SLC38A12: variants seen among roughly 807,000 people sequenced by gnomAD.
The protein encoded by SLC38A12 is putative sodium-coupled neutral amino acid transporter 12.
the SLC38A12 span, among the ~76,000 whole-genome samples, chr17:74,796,976 G>A: frequency 0.01 from 1,530 of 152,294 alleles, 26 homozygotes; most frequent in African/African-American, 0.034. Context: ...GGCAGAAGGA[G>A]GGGATGAAGG....
chr17:74,792,032 G>C, the SLC38A12 span, among the ~76,000 whole-genome samples: 1 of 152,090 alleles, frequency 6.6e-6, no homozygotes, highest in African/African-American at 2.4e-5. Flanking sequence ...TGTAGTCCCA[G>C]CTACTCGGGA....
the SLC38A12 span, among the ~76,000 whole-genome samples, chr17:74,807,460 C>T: frequency 6.6e-6 from 1 of 152,240 alleles, no homozygotes; most frequent in East Asian, 1.9e-4. Context: ...GGCACACAAC[C>T]CTCCCCTGGG....
the SLC38A12 span, among the ~76,000 whole-genome samples, chr17:74,780,622 A>G: frequency 3.9e-5 from 6 of 152,102 alleles, no homozygotes; most frequent in African/African-American, 1.4e-4. Context: ...GGCTCAGCCC[A>G]GATTTGCTTC....
the SLC38A12 span, among the ~76,000 whole-genome samples, chr17:74,798,573 G>A: frequency 1.3e-5 from 2 of 152,154 alleles, no homozygotes; most frequent in Admixed American, 6.5e-5. Context: ...ACAGAGCAGG[G>A]TGCTGGGGGG....
At chr17:74,830,631 A>G in the SLC38A12 span, among the ~76,000 whole-genome samples, 2 of 152,248 alleles carry the variant, frequency 1.3e-5, no homozygotes, top group Admixed American at 1.3e-4. Flanking sequence ...GCTTGTCCAG[A>G]TGCCCGTACA....
At chr17:74,789,754 A>T in the SLC38A12 span, among the ~76,000 whole-genome samples, 1 of 149,592 alleles carries the variant, frequency 6.7e-6, no homozygotes, top group Admixed American at 6.7e-5. Context: ...CTGAGGCAGG[A>T]GAATCACTTG....
At chr17:74,806,631 T>A in the SLC38A12 span, among the ~76,000 whole-genome samples, 1 of 152,122 alleles carries the variant, frequency 6.6e-6, no homozygotes. Flanking sequence ...GTCCCTATTT[T>A]CTTCCTGCCG....
At chr17:74,833,373 A>AAAGGTGCCTCT in the SLC38A12 span, among the ~76,000 whole-genome samples, 96 of 152,364 alleles carry the variant, frequency 6.3e-4, no homozygotes, top group Non-Finnish European at 4.6e-4. Context: ...TGTTGGTGTC[A>AAAGGTGCCTCT]AAGGTGCCTC....
the SLC38A12 span, chr17:74,795,120 C>T: frequency 7.4e-6 from 12 of 1,612,934 alleles, no homozygotes; most frequent in Middle Eastern, 3.3e-4. Flanking sequence ...TGGTGAGTAC[C>T]CTCCTGGCCC....
At chr17:74,821,146 T>G in the SLC38A12 span, among the ~76,000 whole-genome samples, 1 of 152,240 alleles carries the variant, frequency 6.6e-6, no homozygotes, top group African/African-American at 2.4e-5. Flanking sequence ...TGGAAAGTTT[T>G]TCCTTGCCTT....
At chr17:74,817,590 AT>A in the SLC38A12 span, among the ~76,000 whole-genome samples, 1 of 152,286 alleles carries the variant, frequency 6.6e-6, no homozygotes, top group African/African-American at 2.4e-5. Flanking sequence ...AAATAGAGGG[AT>A]GCTGTCAGTG....
chr17:74,782,290 ACTC>A, the SLC38A12 span, among the ~76,000 whole-genome samples: 1 of 151,660 alleles, frequency 6.6e-6, no homozygotes, highest in Admixed American at 6.6e-5. Flanking sequence ...CTAGTCTCGA[ACTC>A]CTCAGCTCAG....
the SLC38A12 span, chr17:74,788,939 A>G: frequency 7.0e-7 from 1 of 1,438,734 alleles, no homozygotes; most frequent in Non-Finnish European, 9.5e-7. Flanking sequence ...CGGTCTCAGC[A>G]GCCCATTCTT....
the SLC38A12 span, among the ~76,000 whole-genome samples, chr17:74,780,460 T>C: frequency 6.6e-6 from 1 of 152,174 alleles, no homozygotes; most frequent in Admixed American, 6.5e-5. Flanking sequence ...AATGCATGCA[T>C]TGGTCTTCAT....
the SLC38A12 span, among the ~76,000 whole-genome samples, chr17:74,815,307 G>C: frequency 6.6e-6 from 1 of 152,216 alleles, no homozygotes; most frequent in Non-Finnish European, 1.5e-5. Context: ...GGGCAGGGCG[G>C]ATCAAAGGAC....
the SLC38A12 span, among the ~76,000 whole-genome samples, chr17:74,831,451 T>C: frequency 1.1e-3 from 165 of 152,310 alleles, 1 homozygote; most frequent in Non-Finnish European, 1.8e-3. Context: ...CGTTGGCTTT[T>C]ACTCAGATAT....
the SLC38A12 span, among the ~76,000 whole-genome samples, chr17:74,795,975 C>T: frequency 3.9e-5 from 6 of 152,072 alleles, no homozygotes; most frequent in African/African-American, 1.2e-4. Flanking sequence ...TCATTTTTTC[C>T]GAAACTTTCC....
At chr17:74,820,302 G>A in the SLC38A12 span, among the ~76,000 whole-genome samples, 1 of 152,256 alleles carries the variant, frequency 6.6e-6, no homozygotes, top group South Asian at 2.1e-4. Context: ...GGCCATGGCA[G>A]CAGCCACTCT....
the SLC38A12 span, chr17:74,785,634 G>T: frequency 6.2e-7 from 1 of 1,607,214 alleles, no homozygotes; most frequent in Non-Finnish European, 8.5e-7. Context: ...CCCCACAGGG[G>T]CCAGGAGTGG....
Sources: allele counts gnomAD v4.1 joint callset (sites outside exome capture counted in the v4.1 genomes callset), GRCh38; gene constraint gnomAD v4.1.1; transcripts MANE v1.5; gene names NCBI Gene and HGNC (gene_info 2026-07-23, HGNC 2026-07-21).